The following SLC24A3 variants were observed in gnomAD, a reference collection of about 807,000 sequenced individuals.
The protein encoded by SLC24A3 is sodium/potassium/calcium exchanger 3.
Under a neutral mutation model 75.8 loss-of-function variants are expected in SLC24A3, and 28 were observed. That is an observed-to-expected ratio of 0.37 (90% CI 0.27 to 0.51). The LOEUF (loss-of-function observed/expected upper bound fraction) is 0.51. Ranked by LOEUF, SLC24A3 falls within the 20% of genes least tolerant of loss-of-function variation. SLC24A3 has a pLI of 0.94. For synonymous variants in SLC24A3, 372 were observed against 334.1 expected (o/e 1.11, Z -1.24); for missense variants, 663 against 847.8 (o/e 0.78, Z 2.71).
chr20:19,357,101 A>ACAAG (rs1196504240), intron 2 of SLC24A3, among the ~76,000 whole-genome samples: 1 of 152,150 alleles, frequency 6.6e-6, no homozygotes, highest in Non-Finnish European at 1.5e-5. Context: ...AAATGTGATC[A>ACAAG]CAAGCATCCT....
At chr20:19,395,639 C>T (rs976315929) in intron 2 of SLC24A3, among the ~76,000 whole-genome samples, 7 of 152,292 alleles carry the variant, frequency 4.6e-5, no homozygotes, top group Middle Eastern at 3.4e-3. Flanking sequence ...AGTAACTAAA[C>T]GCTGAAAATG....
intron 2 of SLC24A3, among the ~76,000 whole-genome samples, chr20:19,289,740 C>T (rs1251661566): frequency 1.3e-5 from 2 of 152,224 alleles, no homozygotes; most frequent in Non-Finnish European, 2.9e-5. Context: ...ACCCACCTGG[C>T]TCCCCACTCC....
intron 2 of SLC24A3, 57 bp from the exon 3 acceptor site, chr20:19,515,431 A>G (rs1291952268): frequency 1.3e-6 from 2 of 1,528,484 alleles, no homozygotes; most frequent in African/African-American, 1.4e-5. Context: ...TCCCAGACCT[A>G]CAGCACTGAA....
chr20:19,371,318 G>A (rs976820906), intron 2 of SLC24A3, among the ~76,000 whole-genome samples: 1 of 152,176 alleles, frequency 6.6e-6, no homozygotes, highest in African/African-American at 2.4e-5. Context: ...TGTGAGAGTG[G>A]AGAGGGCAGG....
chr20:19,632,751 G>A (rs1396241707), intron 6 of SLC24A3, among the ~76,000 whole-genome samples: 3 of 152,170 alleles, frequency 2.0e-5, no homozygotes, highest in Non-Finnish European at 2.9e-5. Flanking sequence ...CAACTCTGCT[G>A]CAGAATAGGT....
At chr20:19,671,741 G>A (rs2032469780) in intron 8 of SLC24A3, among the ~76,000 whole-genome samples, 1 of 152,040 alleles carries the variant, frequency 6.6e-6, no homozygotes, top group Non-Finnish European at 1.5e-5. Flanking sequence ...CAGGTGCAGA[G>A]GCCAAATATA....
intron 2 of SLC24A3, among the ~76,000 whole-genome samples, chr20:19,390,180 A>G (rs1428998979): frequency 1.3e-5 from 2 of 151,994 alleles, no homozygotes; most frequent in Non-Finnish European, 2.9e-5. Context: ...TAAGATTATT[A>G]TTTTGAATTC....
chr20:19,419,222 C>T (rs1200442461), intron 2 of SLC24A3, among the ~76,000 whole-genome samples: 3 of 152,114 alleles, frequency 2.0e-5, no homozygotes, highest in African/African-American at 7.2e-5. Flanking sequence ...GGATCTGGGC[C>T]AAGATCACTG....
intron 3 of SLC24A3, among the ~76,000 whole-genome samples, chr20:19,562,182 T>C (rs1013486244): frequency 1.3e-5 from 2 of 152,212 alleles, no homozygotes; most frequent in Admixed American, 6.5e-5. Context: ...TTTAGCTCTC[T>C]GCTTTGTAGT....
intron 15 of SLC24A3, among the ~76,000 whole-genome samples, chr20:19,699,309 C>T (rs1046854665): frequency 1.3e-5 from 2 of 152,214 alleles, no homozygotes; most frequent in Admixed American, 6.5e-5. Flanking sequence ...AAGGGCAACG[C>T]CCTGGCGGGG....
chr20:19,441,008 C>T (rs949240884), intron 2 of SLC24A3, among the ~76,000 whole-genome samples: 1 of 151,452 alleles, frequency 6.6e-6, no homozygotes, highest in Non-Finnish European at 1.5e-5. Flanking sequence ...CCTGAGAGTT[C>T]GTAATCATTG....
chr20:19,586,315 A>G lies in SLC24A3; in HGVS notation c.612+771A>G, dbSNP rs138756852. 1.5e-4 allele frequency among the ~76,000 whole-genome samples: 23 copies of G among 152,340 alleles called. No homozygotes were observed. In the East Asian group the frequency reaches 4.4e-3, roughly 29 times the overall value. On this transcript the variant is annotated intron_variant, in intron 6 of 16. Transcript: ENST00000328041. ...CATAGGGATTTTATTCAGAAACAAC[A>G]CAACCCTGAGATCTCTGCCCAAATA... is the stretch of plus-strand genomic sequence containing the variant.
intron 2 of SLC24A3, among the ~76,000 whole-genome samples, chr20:19,475,516 A>G (rs1987948310): frequency 6.6e-6 from 1 of 152,218 alleles, no homozygotes; most frequent in African/African-American, 2.4e-5. Context: ...CTTAAAATTA[A>G]TAAGAAAGTG....
At chr20:19,424,248 A>G (rs1986962636) in intron 2 of SLC24A3, among the ~76,000 whole-genome samples, 1 of 152,224 alleles carries the variant, frequency 6.6e-6, no homozygotes, top group South Asian at 2.1e-4. Context: ...ACAAATCTAC[A>G]GAAAAGTTTC....
At chr20:19,373,757 G>A (rs1356870382) in intron 2 of SLC24A3, among the ~76,000 whole-genome samples, 3 of 152,166 alleles carry the variant, frequency 2.0e-5, no homozygotes, top group Admixed American at 2.0e-4. Flanking sequence ...TTCAGCTGCT[G>A]CTATCCATCA....
At chr20:19,503,264 C>T (rs7263127) in intron 2 of SLC24A3, among the ~76,000 whole-genome samples, 14,883 of 152,104 alleles carry the variant, frequency 0.098, 763 homozygotes, top group South Asian at 0.1. Flanking sequence ...TCATTCAGAG[C>T]TATAGTGTGC....
intron 2 of SLC24A3, among the ~76,000 whole-genome samples, chr20:19,310,345 C>A (rs1055051123): frequency 1.9e-4 from 29 of 152,118 alleles, no homozygotes; most frequent in Non-Finnish European, 7.3e-5. Flanking sequence ...TTCAAAAGTT[C>A]CCAGGTGGTC....
At chr20:19,450,157 C>T (rs1378246656) in intron 2 of SLC24A3, among the ~76,000 whole-genome samples, 3 of 152,146 alleles carry the variant, frequency 2.0e-5, no homozygotes, top group Non-Finnish European at 4.4e-5. Context: ...ATAGCATACT[C>T]CTTTTCTTTG....
intron 16 of SLC24A3, among the ~76,000 whole-genome samples, chr20:19,719,330 G>C (rs2033076705): frequency 2.0e-5 from 3 of 152,186 alleles, no homozygotes; most frequent in Non-Finnish European, 4.4e-5. Flanking sequence ...ATTTTAAGAT[G>C]AATAAGATAA....
Sources: allele counts gnomAD v4.1 joint callset (sites outside exome capture counted in the v4.1 genomes callset), GRCh38; gene constraint gnomAD v4.1.1; transcripts MANE v1.5; gene names NCBI Gene and HGNC (gene_info 2026-07-23, HGNC 2026-07-21).